The following WLS variants were observed in gnomAD, a reference collection of about 807,000 sequenced individuals.
WLS encodes protein wntless homolog.
In WLS, 23 loss-of-function variants were observed where a neutral mutation model predicts 62.8. The observed-to-expected ratio is 0.37, with a 90% CI of 0.26 to 0.52. The LOEUF (loss-of-function observed/expected upper bound fraction) is 0.52, where lower values mean the gene tolerates loss of function less well. WLS is among the 20% of genes least tolerant of loss of function. The probability of loss-of-function intolerance (pLI) is 0.92; values close to 1 mark genes in which losing one functional copy is unlikely to be tolerated. For missense variants in WLS, 615 were observed against 697.3 expected (o/e 0.88, Z 1.33); for synonymous variants, 246 against 244.1 (o/e 1.01, Z -0.07).
chr1:68,134,076 G>A (rs1034687248), intron 11 of WLS, among the ~76,000 whole-genome samples: 2 of 152,220 alleles, frequency 1.3e-5, no homozygotes, highest in African/African-American at 4.8e-5. Context: ...GCATGGGAAT[G>A]CTGGAGGTGG....
At chr1:68,186,165 T>G (rs1447114061) in intron 2 of WLS, among the ~76,000 whole-genome samples, 3 of 152,300 alleles carry the variant, frequency 2.0e-5, no homozygotes, top group African/African-American at 7.2e-5. Context: ...CTGGCTTGAT[T>G]AAATTCAGAA....
In WLS at chr1:68,115,611, G is replaced by GATA. The variant is rs540656401; in HGVS notation, c.1511-16859_1511-16858insTAT. On this transcript the variant is annotated intron_variant, in intron 11 of 11. Coordinates refer to the WLS transcript ENST00000354777. ...AGTACCTATATCATGGGACTACTGT[G>GATA]AGGTGCCAGCACATTATCAGTGCTT... Among the ~76,000 whole-genome samples the GATA allele has an allele frequency of 7.2e-3, 1,092 of 152,300 alleles. 9 individuals are homozygous for GATA. The highest frequency in any genetic ancestry group is 0.01 in the Non-Finnish European group (683 of 68,020).
At chr1:68,150,943 G>A (rs1646817304) in intron 5 of WLS, among the ~76,000 whole-genome samples, 1 of 152,050 alleles carries the variant, frequency 6.6e-6, no homozygotes, top group Non-Finnish European at 1.5e-5. Flanking sequence ...CCATCCCCTT[G>A]AAACACATAT....
intron 10 of WLS, among the ~76,000 whole-genome samples, chr1:68,143,275 C>T (rs1456789524): frequency 6.6e-6 from 1 of 152,180 alleles, no homozygotes; most frequent in Non-Finnish European, 1.5e-5. Flanking sequence ...CTGAAATCCT[C>T]CATTTTGGCT....
chr1:68,193,822 G>A, intron 2 of WLS, 133 bp downstream of exon 2: 1 of 1,186,564 alleles, frequency 8.4e-7, no homozygotes, highest in Non-Finnish European at 1.2e-6. Context: ...TACACAGAAA[G>A]TGCCTGGGAA....
In WLS at chr1:68,232,420, A is replaced by G. The variant is rs2100682523; in HGVS notation, c.-121T>C. ...CTTTCTGGGCGCTGCAAAACTTCAGAGGTGCTGGAGCGCGGCGAGGATGGG... is the reference window on the plus strand; with the variant it reads ...CTTTCTGGGCGCTGCAAAACTTCAGGGGTGCTGGAGCGCGGCGAGGATGGG... On this transcript the variant is annotated 5_prime_UTR_variant, in exon 1 of 12. Transcript: ENST00000262348. The G allele has an allele frequency of 6.9e-7, 1 of 1,440,264 alleles. No homozygotes were observed. 89.2% of individuals were successfully genotyped at this position (1,440,264 alleles called of 1,614,324 possible). A position where few individuals can be genotyped will look rare whatever the true frequency, so the allele number is the denominator to read the frequency against.
intron 1 of WLS, among the ~76,000 whole-genome samples, chr1:68,204,499 G>A (rs1394359425): frequency 1.3e-5 from 2 of 152,150 alleles, no homozygotes; most frequent in East Asian, 1.9e-4. Context: ...AGTAGAGACG[G>A]GGCTTCACCG....
chr1:68,232,394 C>T lies in WLS; in HGVS notation c.-95G>A. 7 of 1,482,240 alleles carry T rather than the reference C, an allele frequency of 4.7e-6. No homozygotes were observed. The highest frequency in any genetic ancestry group is 6.3e-6 in the Non-Finnish European group (7 of 1,113,446). The allele number at this position is 1,482,240 out of a possible 1,614,324, so 91.8% of individuals were successfully genotyped here. A position where few individuals can be genotyped will look rare whatever the true frequency, so the allele number is the denominator to read the frequency against. On this transcript the variant is annotated 5_prime_UTR_variant, in exon 1 of 12. Transcript: ENST00000262348. ...TCACACACTCCCTCCTTCCTCGCCT[C>T]CTTTCTGGGCGCTGCAAAACTTCAG...
At chr1:68,117,972 GAA>G (rs11346016) in intron 11 of WLS, among the ~76,000 whole-genome samples, 24 of 149,162 alleles carry the variant, frequency 1.6e-4, no homozygotes, top group African/African-American at 5.9e-4. Context: ...GAATTGATGA[GAA>G]AAAAAAAACA....
In WLS at chr1:68,194,203, G is replaced by A. The variant is rs149439243; in HGVS notation, c.131C>T (p.Ser44Phe). The A allele has an allele frequency of 1.2e-6, 2 of 1,614,208 alleles. No homozygotes were observed. The highest frequency in any genetic ancestry group is 1.7e-6 in the Non-Finnish European group (2 of 1,180,036). The change falls in exon 2 of 12, where the codon TCC becomes TTC. Residue 44 changes from serine to phenylalanine, a missense_variant. By Grantham distance (155) the Ser-to-Phe change is radical. Coordinates refer to ENST00000262348, the MANE Select transcript of WLS (RefSeq NM_024911.7). ...LIAPGPTTAV[S>F]YMSVKCVDAR... ...ATCCACACATTTCACCGACATGTAG[G>A]ACACTGCCGTTGTGGGCCCTGGAGC...
chr1:68,183,914 T>G (rs981603986), intron 2 of WLS, among the ~76,000 whole-genome samples: 3 of 152,156 alleles, frequency 2.0e-5, no homozygotes, highest in Non-Finnish European at 4.4e-5. Context: ...GAAAGAATTC[T>G]GCTTCATGTG....
intron 2 of WLS, chr1:68,161,962 T>A (rs1646982278): frequency 6.2e-7 from 1 of 1,609,270 alleles, no homozygotes; most frequent in African/African-American, 1.3e-5. Flanking sequence ...GAGCTCAGGA[T>A]GAATTGCTTG....
In WLS at chr1:68,150,332, G is replaced by A. The variant is rs762561143; in HGVS notation, c.828C>T (p.Ser276=). 8.7e-6 allele frequency: 14 copies of A among 1,614,194 alleles called. No homozygotes were observed. Among genetic ancestry groups the A allele is most frequent in the Non-Finnish European group, 1.1e-5 (13 of 1,180,030 alleles). The change falls in exon 6 of 12, where the codon TCC becomes TCT. Residue 276 remains serine, a synonymous_variant. Coordinates refer to ENST00000262348, the MANE Select transcript of WLS (RefSeq NM_024911.7). ...CCACTGGGATATTGATAAAGGTCAT[G>A]GAAATCCCAAGGGCAAAGATGACTC... ...LEKVIFALGI[S]MTFINIPVEW... is the part of the protein sequence containing the mutation.
At chr1:68,166,351 C>T (rs959524747) in intron 2 of WLS, among the ~76,000 whole-genome samples, 5 of 152,178 alleles carry the variant, frequency 3.3e-5, no homozygotes, top group Non-Finnish European at 7.4e-5. Context: ...TATGAATATG[C>T]TAAGTCTTTA....
chr1:68,225,816 C>A (rs1201530445), intron 1 of WLS, among the ~76,000 whole-genome samples: 1 of 152,198 alleles, frequency 6.6e-6, no homozygotes, highest in Non-Finnish European at 1.5e-5. Flanking sequence ...TTTCTTTCCT[C>A]TCCTTTGAAA....
At chr1:68,119,099 T>C (rs1314926973) in intron 11 of WLS, among the ~76,000 whole-genome samples, 1 of 152,126 alleles carries the variant, frequency 6.6e-6, no homozygotes, top group African/African-American at 2.4e-5. Flanking sequence ...GTAAAAATTA[T>C]GAACCATCCT....
chr1:68,201,884 C>T lies in WLS; in HGVS notation c.107-7657G>A, dbSNP rs114848618. 3.2e-3 allele frequency: 483 copies of T among 152,284 alleles called. 2 individuals are homozygous for T. The highest frequency in any genetic ancestry group is 0.011 in the African/African-American group (464 of 41,536). 9.4% of individuals were successfully genotyped at this position (152,284 alleles called of 1,614,324 possible). ...ACTTATGAAATTATGGACATTTTGA[C>T]AGCAATTTTCCAAAAATTGTAGCAA... On this transcript the variant is annotated intron_variant, in intron 1 of 11. Coordinates refer to ENST00000262348, the MANE Select transcript of WLS (RefSeq NM_024911.7).
chr1:68,130,767 T>G (rs1646506633), intron 11 of WLS, among the ~76,000 whole-genome samples: 1 of 152,106 alleles, frequency 6.6e-6, no homozygotes, highest in South Asian at 2.1e-4. Flanking sequence ...TCCCAGCACT[T>G]TGGGAGACAG....
chr1:68,228,308 T>C (rs933154301), intron 1 of WLS: 6 of 419,826 alleles, frequency 1.4e-5, no homozygotes, highest in Non-Finnish European at 2.3e-5. Flanking sequence ...TTCATACTCT[T>C]AGCAGTTTTA....
Sources: allele counts gnomAD v4.1 joint callset (sites outside exome capture counted in the v4.1 genomes callset), GRCh38; gene constraint gnomAD v4.1.1; transcripts MANE v1.5; gene names NCBI Gene and HGNC (gene_info 2026-07-23, HGNC 2026-07-21).